MTR: variants seen among roughly 807,000 people sequenced by gnomAD.
MTR encodes 5-methyltetrahydrofolate-homocysteine methyltransferase.
MTR carries 84 observed loss-of-function variants against 154.8 expected under a neutral mutation model. The observed-to-expected ratio is 0.54, with a 90% CI of 0.45 to 0.65. The LOEUF (loss-of-function observed/expected upper bound fraction) is 0.65, where lower values mean the gene tolerates loss of function less well. MTR is among the 30% of genes least tolerant of loss of function. The pLI, the probability that MTR is intolerant of heterozygous loss-of-function variation, is 0.00. For missense variants in MTR, 1,275 were observed against 1,570.2 expected, an observed-to-expected ratio of 0.81 and a Z score of 3.18; for synonymous variants, 554 against 553.9, an observed-to-expected ratio of 1.00 and a Z score of 0.00.
intron 23 of MTR, 94 bp from the exon 24 acceptor site, chr1:236,874,632 A>G: frequency 9.0e-7 from 1 of 1,117,224 alleles, no homozygotes; most frequent in Admixed American, 2.7e-5. Flanking sequence ...TCTTCATTAC[A>G]AAGTTTTTTA....
At position 236,795,726 on chromosome 1, in the gene MTR, T is replaced by C; in HGVS notation, c.23T>C (p.Leu8Pro). 2.5e-6 allele frequency: 4 copies of C among 1,614,178 alleles called. No homozygotes were observed. The highest frequency in any genetic ancestry group is 1.1e-5 in the South Asian group (1 of 91,090). ...AACATGTCACCCGCGCTCCAAGACC[T>C]GTCGCAACCCGGTAACGCTGCGACC... MSPALQD[L>P]SQPEGLKKTL... Residue 8 changes from leucine (L) to proline (P), a missense_variant, in exon 1 of 33, where the codon CTG becomes CCG. By Grantham distance (98) the Leu-to-Pro change is moderately conservative. Coordinates refer to ENST00000366577, the MANE Select transcript of MTR (RefSeq NM_000254.3).
At chr1:236,875,069 C>G (rs898166001) in intron 24 of MTR, among the ~76,000 whole-genome samples, 2 of 152,168 alleles carry the variant, frequency 1.3e-5, no homozygotes, top group Non-Finnish European at 1.5e-5. Context: ...TTTGCTTTTT[C>G]TTGGATTTCT....
At chr1:236,870,122 G>A (rs1428362705) in intron 22 of MTR, among the ~76,000 whole-genome samples, 1 of 152,200 alleles carries the variant, frequency 6.6e-6, no homozygotes, top group East Asian at 1.9e-4. Flanking sequence ...AGGGCTGTGA[G>A]CAACTTCCTT....
intron 2 of MTR, among the ~76,000 whole-genome samples, 178 bp from the exon 3 acceptor site, chr1:236,805,966 G>A (rs984773229): frequency 6.6e-6 from 1 of 152,126 alleles, no homozygotes; most frequent in Non-Finnish European, 1.5e-5. Context: ...TTCATACCAC[G>A]TGCCTTTCTG....
intron 13 of MTR, among the ~76,000 whole-genome samples, chr1:236,832,909 G>C (rs889136012): frequency 6.6e-6 from 1 of 152,202 alleles, no homozygotes; most frequent in African/African-American, 2.4e-5. Flanking sequence ...AGCAGGGCCT[G>C]GTTGCCCAGT....
In MTR at chr1:236,873,952, A is replaced by G. The variant is rs577934393; in HGVS notation, c.2473+112A>G. The G allele has an allele frequency of 6.3e-5, 68 of 1,073,018 alleles. 1 individual carries two copies. The South Asian group carries it at 8.3e-4, about 13-fold the overall frequency. The allele number at this position is 1,073,018 out of a possible 1,614,324, so 66.5% of individuals were successfully genotyped here. A position where few individuals can be genotyped will look rare whatever the true frequency, so the allele number is the denominator to read the frequency against. On this transcript the variant is annotated intron_variant, in intron 23 of 32. Coordinates refer to ENST00000366577, the MANE Select transcript of MTR (RefSeq NM_000254.3). Reference sequence around the variant, plus strand: ...TGATGCCCCATGAGGGTTCTGTGGGACATACAATCAAGTGCCAGCTCCTGC... The same window carrying G: ...TGATGCCCCATGAGGGTTCTGTGGGGCATACAATCAAGTGCCAGCTCCTGC...
At chr1:236,861,097 CTTTTTTT>C (rs397974349) in intron 19 of MTR, 21 bp from the exon 20 acceptor site, 158 of 1,159,708 alleles carry the variant, frequency 1.4e-4, no homozygotes, top group Middle Eastern at 2.6e-4. Flanking sequence ...CTTTCTTTTT[CTTTTTTT>C]TTTTTTTTTG....
intron 20 of MTR, among the ~76,000 whole-genome samples, chr1:236,861,983 C>A (rs1352602805): frequency 2.0e-5 from 3 of 152,110 alleles, no homozygotes; most frequent in Admixed American, 6.6e-5. Flanking sequence ...GAAAAAAAAA[C>A]AAGCCAAAGT....
chr1:236,810,405 A>T, intron 4 of MTR, 98 bp from the exon 5 acceptor site: 1 of 974,382 alleles, frequency 1.0e-6, no homozygotes, highest in Non-Finnish European at 1.7e-6. Flanking sequence ...AAAAGATTAT[A>T]GACCTGTGTT....
At chr1:236,811,671 C>G in intron 5 of MTR, 1 of 456,254 alleles carries the variant, frequency 2.2e-6, no homozygotes, top group South Asian at 1.5e-5. Flanking sequence ...CTAACTTACC[C>G]TTGCTCTTGG....
chr1:236,895,542 A>G lies in MTR; in HGVS notation c.3590A>G (p.Gln1197Arg). 1.3e-6 allele frequency: 2 copies of G among 1,571,520 alleles called. No individual in the cohort carries two copies. The highest frequency in any genetic ancestry group is 1.7e-6 in the Non-Finnish European group (2 of 1,157,230). The change falls in exon 31 of 33, where the codon CAG becomes CGG. Residue 1197 changes from glutamine to arginine, a missense_variant. Transcript: ENST00000366577. ...LTMWRLADIE[Q>R]STGIRLTESL... ...ATGTGGAGACTCGCAGACATCGAGC[A>G]GTCTACAGGTAGGAGCCAGGAGGCT...
chr1:236,852,252 T>C (rs1482791887), intron 16 of MTR, among the ~76,000 whole-genome samples: 1 of 96,348 alleles, frequency 1.0e-5, no homozygotes, highest in East Asian at 2.9e-4. Context: ...TCTTTGTCTT[T>C]CTGCGTGTGT....
rs563423827 is a variant in MTR, at chr1:236,876,327, CAG to C, written c.2594+1482_2594+1483del. On this transcript the variant is annotated intron_variant, in intron 24 of 32. Transcript: ENST00000366577. ...ACTATCGTTGCTTAACGTTAGAAAACAGGGTTTGCGTTTCCACAAAGGACTTA... is the reference window on the plus strand; with the variant it reads ...ACTATCGTTGCTTAACGTTAGAAAACGGTTTGCGTTTCCACAAAGGACTTA... Among the ~76,000 whole-genome samples, 460 of 152,206 alleles carry C rather than the reference CAG, an allele frequency of 3.0e-3. 1 individual carries two copies. The highest frequency in any genetic ancestry group is 5.2e-3 in the Admixed American group (80 of 15,290).
chr1:236,872,295 C>T (rs1462192444), intron 22 of MTR, among the ~76,000 whole-genome samples: 6 of 152,156 alleles, frequency 3.9e-5, no homozygotes, highest in African/African-American at 1.4e-4. Flanking sequence ...TCTGCCCCAG[C>T]GCCTGTTCTC....
intron 8 of MTR, chr1:236,819,564 C>G: frequency 2.6e-6 from 1 of 387,126 alleles, no homozygotes; most frequent in Non-Finnish European, 4.9e-6. Context: ...CATGGCCTTT[C>G]CATGCTACTC....
chr1:236,889,419 C>T, intron 28 of MTR, 83 bp downstream of exon 28: 1 of 1,573,072 alleles, frequency 6.4e-7, no homozygotes, highest in Non-Finnish European at 8.7e-7. Context: ...CGGTGAGGAG[C>T]AGTGGATTTG....
At chr1:236,833,196 C>T (rs987570010) in intron 13 of MTR, among the ~76,000 whole-genome samples, 2 of 152,180 alleles carry the variant, frequency 1.3e-5, no homozygotes, top group Non-Finnish European at 2.9e-5. Context: ...GTGCCAGTGA[C>T]TCTTCCTAGC....
intron 6 of MTR, among the ~76,000 whole-genome samples, chr1:236,813,182 C>T (rs2103049219): frequency 6.6e-6 from 1 of 152,190 alleles, no homozygotes; most frequent in African/African-American, 2.4e-5. Context: ...CCTTTCCTTT[C>T]CTAGTCTCTA....
chr1:236,862,119 G>A, intron 20 of MTR, 117 bp from the exon 21 acceptor site: 2 of 827,566 alleles, frequency 2.4e-6, no homozygotes, highest in South Asian at 1.3e-5. Context: ...AGACTCCAGT[G>A]TAGCTGTCCT....
Sources: allele counts gnomAD v4.1 joint callset (sites outside exome capture counted in the v4.1 genomes callset), GRCh38; gene constraint gnomAD v4.1.1; transcripts MANE v1.5; gene names NCBI Gene and HGNC (gene_info 2026-07-23, HGNC 2026-07-21).